LRBA: variants seen among roughly 807,000 people sequenced by gnomAD.
The protein encoded by LRBA is lipopolysaccharide-responsive and beige-like anchor protein.
Under a neutral mutation model 330.0 loss-of-function variants are expected in LRBA, and 176 were observed. The observed-to-expected ratio is 0.53, with a 90% CI of 0.47 to 0.60. The LOEUF (loss-of-function observed/expected upper bound fraction) is 0.60. LRBA is among the 20% of genes least tolerant of loss of function. The probability of loss-of-function intolerance (pLI) is 0.00; values close to 1 mark genes in which losing one functional copy is unlikely to be tolerated. For missense variants in LRBA, 3,259 were observed against 3,444.8 expected, an observed-to-expected ratio of 0.95 and a Z score of 1.35; for synonymous variants, 1,230 against 1,193.0, an observed-to-expected ratio of 1.03 and a Z score of -0.64.
At chr4:150,698,853 T>G (rs1784854850) in intron 36 of LRBA, among the ~76,000 whole-genome samples, 1 of 152,172 alleles carries the variant, frequency 6.6e-6, no homozygotes, top group Non-Finnish European at 1.5e-5. Flanking sequence ...TTTAACCTGG[T>G]CATTTTCAAA....
chr4:150,496,318 C>T (rs909999158), intron 40 of LRBA, among the ~76,000 whole-genome samples: 1 of 151,912 alleles, frequency 6.6e-6, no homozygotes, highest in Non-Finnish European at 1.5e-5. Flanking sequence ...ATAAGTTTAT[C>T]CAAATAAAAC....
chr4:150,375,583 C>G (rs772766699), intron 47 of LRBA, among the ~76,000 whole-genome samples: 1 of 151,268 alleles, frequency 6.6e-6, no homozygotes, highest in Non-Finnish European at 1.5e-5. Flanking sequence ...CTCAGCCTCC[C>G]GAGTAGCTGG....
intron 36 of LRBA, among the ~76,000 whole-genome samples, chr4:150,697,182 T>C (rs1186628762): frequency 6.7e-6 from 1 of 148,746 alleles, no homozygotes; most frequent in Non-Finnish European, 1.5e-5. Context: ...AAAATTAGCC[T>C]GGCATGGTGG....
At chr4:150,937,304 T>C (rs1433276519) in intron 2 of LRBA, among the ~76,000 whole-genome samples, 1 of 152,128 alleles carries the variant, frequency 6.6e-6, no homozygotes, top group African/African-American at 2.4e-5. Context: ...TTGAAGCTGA[T>C]CAACCTTCAA....
intron 40 of LRBA, among the ~76,000 whole-genome samples, chr4:150,575,818 A>G (rs12506885): frequency 3.9e-5 from 6 of 151,924 alleles, no homozygotes; most frequent in Admixed American, 3.3e-4. Context: ...TTTGGCTCAC[A>G]ATGTGAGTCA....
At chr4:150,480,251 A>G (rs907364028) in intron 42 of LRBA, among the ~76,000 whole-genome samples, 2 of 152,120 alleles carry the variant, frequency 1.3e-5, no homozygotes, top group African/African-American at 4.8e-5. Context: ...ACCCTATACC[A>G]TGAGAGATAT....
intron 40 of LRBA, among the ~76,000 whole-genome samples, chr4:150,514,412 C>CG (rs1375867646): frequency 3.3e-5 from 5 of 152,126 alleles, no homozygotes; most frequent in African/African-American, 1.2e-4. Context: ...ATATCTATGC[C>CG]GGCTTTAAAT....
intron 36 of LRBA, among the ~76,000 whole-genome samples, chr4:150,690,160 T>A (rs1432949557): frequency 6.6e-6 from 1 of 152,048 alleles, no homozygotes; most frequent in Non-Finnish European, 1.5e-5. Flanking sequence ...TTAATAAAAA[T>A]TTTTAGCAAT....
At chr4:150,558,735 A>G (rs1324355570) in intron 40 of LRBA, among the ~76,000 whole-genome samples, 1 of 152,216 alleles carries the variant, frequency 6.6e-6, no homozygotes, top group Non-Finnish European at 1.5e-5. Context: ...AAATGTATGC[A>G]TATATACCAA....
chr4:150,846,179 C>A (rs966975390), intron 26 of LRBA, among the ~76,000 whole-genome samples: 28 of 152,234 alleles, frequency 1.8e-4, no homozygotes, highest in Admixed American at 1.5e-3. Flanking sequence ...TATGTTCTCA[C>A]TTATAAGTGG....
chr4:150,836,733 T>C (rs1218066035), intron 28 of LRBA, among the ~76,000 whole-genome samples: 2 of 152,182 alleles, frequency 1.3e-5, no homozygotes, highest in African/African-American at 4.8e-5. Context: ...TGTTGATCTT[T>C]CCAAAAAACC....
intron 36 of LRBA, among the ~76,000 whole-genome samples, chr4:150,723,962 A>T (rs746712438): frequency 3.9e-5 from 6 of 152,154 alleles, no homozygotes; most frequent in Non-Finnish European, 5.9e-5. Context: ...GGCCACAGGG[A>T]AAGGCAGCTC....
intron 33 of LRBA, among the ~76,000 whole-genome samples, chr4:150,801,274 C>A (rs190505398): frequency 6.6e-6 from 1 of 152,124 alleles, no homozygotes; most frequent in Non-Finnish European, 1.5e-5. Context: ...AAACTAAATG[C>A]TCATGATGAA....
At chr4:150,938,478 G>A (rs772803496) in intron 2 of LRBA, among the ~76,000 whole-genome samples, 1 of 152,122 alleles carries the variant, frequency 6.6e-6, no homozygotes, top group Non-Finnish European at 1.5e-5. Flanking sequence ...AGAGTTTCTA[G>A]TTTGGCACAC....
chr4:150,726,081 G>A (rs976094225), intron 36 of LRBA, among the ~76,000 whole-genome samples: 23 of 152,058 alleles, frequency 1.5e-4, no homozygotes, highest in Non-Finnish European at 3.4e-4. Context: ...AAAGAAAAAA[G>A]GAAGAGAAGT....
chr4:150,597,008 C>T (rs543817194), intron 38 of LRBA: 35 of 724,262 alleles, frequency 4.8e-5, no homozygotes, highest in South Asian at 1.4e-4. Context: ...ATATTTCAAA[C>T]GCAAGTTTTG....
At chr4:150,592,147 T>TG (rs1162307893) in intron 38 of LRBA, among the ~76,000 whole-genome samples, 4 of 136,876 alleles carry the variant, frequency 2.9e-5, no homozygotes, top group Admixed American at 7.4e-5. Flanking sequence ...GGCTAGGGTT[T>TG]TTTTTTTTTT....
intron 47 of LRBA, among the ~76,000 whole-genome samples, chr4:150,374,696 G>A (rs1740969732): frequency 6.6e-6 from 1 of 152,168 alleles, no homozygotes; most frequent in Non-Finnish European, 1.5e-5. Flanking sequence ...TCAACCGTAA[G>A]TATAGTGCAA....
At chr4:150,593,712 G>T (rs1361190363) in intron 38 of LRBA, among the ~76,000 whole-genome samples, 2 of 151,922 alleles carry the variant, frequency 1.3e-5, no homozygotes, top group African/African-American at 2.4e-5. Flanking sequence ...AAACACATCA[G>T]AAACAACTAA....
Sources: allele counts gnomAD v4.1 joint callset (sites outside exome capture counted in the v4.1 genomes callset), GRCh38; gene constraint gnomAD v4.1.1; transcripts MANE v1.5; gene names NCBI Gene and HGNC (gene_info 2026-07-23, HGNC 2026-07-21).